The following PHYHIPL variants were observed in gnomAD, a reference collection of about 807,000 sequenced individuals.
PHYHIPL encodes phytanoyl-CoA 2-hydroxylase interacting protein like.
A neutral mutation model predicts 33.4 loss-of-function variants in PHYHIPL; 9 were observed. That is an observed-to-expected ratio of 0.27 (90% confidence interval 0.16 to 0.47). The LOEUF is 0.47. Ranked by LOEUF, PHYHIPL falls within the 20% of genes least tolerant of loss-of-function variation. PHYHIPL has a pLI of 0.99. For missense variants in PHYHIPL, 365 were observed against 460.7 expected, an observed-to-expected ratio of 0.79 and a Z score of 1.90; for synonymous variants, 153 against 154.1, an observed-to-expected ratio of 0.99 and a Z score of 0.05.
In PHYHIPL at chr10:59,245,828, CTT is replaced by C. The variant is rs993731988; in HGVS notation, c.*239_*240del. The C allele has an allele frequency of 2.3e-5, 11 of 474,604 alleles. No individual in the cohort carries two copies. Among genetic ancestry groups the C allele is most frequent in the African/African-American group, 2.0e-4 (10 of 51,060 alleles). 29.4% of individuals were successfully genotyped at this position (474,604 alleles called of 1,614,324 possible). ...CCTAAGTTAAGTTCTCCTTTTGACA[CTT>C]TATTGCCTAGATGCTGCAATGTTTT... On this transcript the variant is annotated 3_prime_UTR_variant, in exon 5 of 5. Transcript: ENST00000373880.
rs143669009 is a variant in PHYHIPL, at chr10:59,244,009, C to T, written c.597-1048C>T. The stretch of plus-strand genomic sequence containing the variant: ...GAAGAATGCAGCCCTGCCAGAACCA[C>T]AATGCCCTAAAGCGTGGAGGAAATA... On this transcript the variant is annotated intron_variant, in intron 4 of 4. Transcript: ENST00000373880. Among the ~76,000 whole-genome samples the T allele has an allele frequency of 2.0e-5, 3 of 152,292 alleles. No individual in the cohort carries two copies. The East Asian group carries it at 5.8e-4, about 29-fold the overall frequency.
upstream of PHYHIPL, among the ~76,000 whole-genome samples, chr10:59,173,938 T>TTTTTG: frequency 9.5e-5 from 10 of 105,666 alleles, no homozygotes; most frequent in African/African-American, 9.5e-5. Context: ...TTTTTTTTTT[T>TTTTTG]TTTTTTTTTT....
intron 1 of PHYHIPL, among the ~76,000 whole-genome samples, chr10:59,211,025 C>G (rs569926335): frequency 6.6e-6 from 1 of 151,836 alleles, no homozygotes; most frequent in African/African-American, 2.4e-5. Context: ...CAAACCTGCA[C>G]ATTCTGCACA....
chr10:59,202,031 G>C (rs894285770), intron 1 of PHYHIPL, among the ~76,000 whole-genome samples: 1 of 152,122 alleles, frequency 6.6e-6, no homozygotes, highest in African/African-American at 2.4e-5. Flanking sequence ...GGAGATAGTA[G>C]TAAACAGTGA....
At chr10:59,199,822 T>C (rs1387491889) in intron 1 of PHYHIPL, among the ~76,000 whole-genome samples, 3 of 152,210 alleles carry the variant, frequency 2.0e-5, no homozygotes, top group Non-Finnish European at 4.4e-5. Context: ...GAAGCAATTG[T>C]GAATGGAATT....
At position 59,208,729 on chromosome 10, in the gene PHYHIPL, G is replaced by A. The variant is rs188200450; in HGVS notation, c.107-25575G>A. On this transcript the variant is annotated intron_variant, in intron 1 of 4. Transcript: ENST00000373880. ...AGAATAACCAGTTTAGAGAAGAACA[G>A]AAATGACCTGATGGATCTGAAAAAC... is the stretch of plus-strand genomic sequence containing the variant. 4.5e-4 allele frequency among the ~76,000 whole-genome samples: 68 copies of A among 152,122 alleles called. No homozygotes were observed. The East Asian group carries it at 0.013, about 29-fold the overall frequency.
intron 1 of PHYHIPL, among the ~76,000 whole-genome samples, chr10:59,208,256 C>T (rs1324595372): frequency 2.6e-5 from 4 of 152,168 alleles, no homozygotes; most frequent in African/African-American, 9.7e-5. Context: ...GTTCTGCAGC[C>T]TCTGCTGGTA....
intron 1 of PHYHIPL, chr10:59,183,799 C>G (rs905896585): frequency 2.5e-5 from 10 of 400,300 alleles, no homozygotes; most frequent in African/African-American, 4.4e-5. Context: ...GCATATACAC[C>G]ATTTGTTGTA....
chr10:59,222,556 G>A (rs1839807551), intron 1 of PHYHIPL, among the ~76,000 whole-genome samples: 1 of 151,910 alleles, frequency 6.6e-6, no homozygotes, highest in Non-Finnish European at 1.5e-5. Flanking sequence ...AAAACAAAAA[G>A]GAGGAGAGCA....
At chr10:59,177,685 A>T in intron 1 of PHYHIPL, 1 of 1,514,796 alleles carries the variant, frequency 6.6e-7, no homozygotes, top group East Asian at 2.5e-5. Flanking sequence ...GCTCCTGTGG[A>T]AGGAAATTGA....
intron 1 of PHYHIPL, among the ~76,000 whole-genome samples, chr10:59,216,591 T>C (rs757882859): frequency 3.3e-5 from 5 of 152,108 alleles, no homozygotes; most frequent in Non-Finnish European, 7.4e-5. Flanking sequence ...TTAGGTAGCA[T>C]GTTCTAAACC....
intron 2 of PHYHIPL, 138 bp from the exon 3 acceptor site, chr10:59,236,345 C>G: frequency 1.2e-5 from 5 of 427,042 alleles, no homozygotes; most frequent in East Asian, 3.9e-5. Flanking sequence ...CTCCTTCCTT[C>G]CCTCCCTCCT....
At position 59,245,254 on chromosome 10, in the gene PHYHIPL, A is replaced by G. The variant is rs189850687; in HGVS notation, c.794A>G (p.Asn265Ser). The G allele has an allele frequency of 1.9e-5, 30 of 1,614,038 alleles. 1 individual carries two copies. The highest frequency in any genetic ancestry group is 1.3e-5 in the African/African-American group (1 of 75,002). The change falls in exon 5 of 5, where the codon AAC (asparagine) becomes AGC (serine). Residue 265 changes from asparagine to serine, a missense_variant. Coordinates refer to ENST00000373880, the MANE Select transcript of PHYHIPL (RefSeq NM_032439.4). ...AAEKLFNPNT[N>S]LYFGDFYCMY... is the part of the protein sequence containing the mutation. ...GAAAAACTTTTTAACCCCAATACTA[A>G]CTTATACTTTGGGGACTTCTACTGT...
At chr10:59,181,980 A>G (rs1765786484) in intron 1 of PHYHIPL, among the ~76,000 whole-genome samples, 1 of 152,182 alleles carries the variant, frequency 6.6e-6, no homozygotes, top group African/African-American at 2.4e-5. Flanking sequence ...ACAACATTCA[A>G]ATTACTTGGT....
intron 1 of PHYHIPL, among the ~76,000 whole-genome samples, chr10:59,225,093 T>C (rs1839889211): frequency 7.4e-6 from 1 of 134,556 alleles, no homozygotes; most frequent in African/African-American, 2.6e-5. Context: ...ATGGTACTTT[T>C]GGGCATGAGC....
intron 1 of PHYHIPL, among the ~76,000 whole-genome samples, chr10:59,196,208 C>A (rs1453779908): frequency 6.6e-6 from 1 of 151,756 alleles, no homozygotes; most frequent in Non-Finnish European, 1.5e-5. Context: ...AATGTTAAAC[C>A]AAGTTTATCA....
chr10:59,245,668 C>G lies in PHYHIPL; in HGVS notation c.*77C>G. 6.9e-7 allele frequency: 1 copy of G among 1,439,706 alleles called. No homozygotes were observed. Among genetic ancestry groups the G allele is most frequent in the Non-Finnish European group, 9.3e-7 (1 of 1,073,366 alleles). The allele number at this position is 1,439,706 out of a possible 1,614,324, so 89.2% of individuals were successfully genotyped here. A position where few individuals can be genotyped will look rare whatever the true frequency, so the allele number is the denominator to read the frequency against. ...GGTCCTCTGTTGTCCATTTTTATCA[C>G]CAGATGTTTTCCACTGAAGCATGCA... On this transcript the variant is annotated 3_prime_UTR_variant, in exon 5 of 5. Coordinates refer to ENST00000373880, the MANE Select transcript of PHYHIPL (RefSeq NM_032439.4).
At chr10:59,192,195 A>G (rs910161069) in intron 1 of PHYHIPL, among the ~76,000 whole-genome samples, 7 of 152,180 alleles carry the variant, frequency 4.6e-5, no homozygotes, top group African/African-American at 1.7e-4. Context: ...GGACAATTTA[A>G]TATTTGCTAT....
chr10:59,209,950 A>G (rs1839397961), intron 1 of PHYHIPL, among the ~76,000 whole-genome samples: 1 of 152,228 alleles, frequency 6.6e-6, no homozygotes, highest in African/African-American at 2.4e-5. Flanking sequence ...AAAGACTTAA[A>G]TGTAAGACCT....
Sources: gnomAD v4.1 joint callset for allele counts (sites outside exome capture counted in the v4.1 genomes callset) on GRCh38, gnomAD v4.1.1 for gene constraint, MANE v1.5 for transcripts, NCBI Gene and HGNC (gene_info 2026-07-23, HGNC 2026-07-21) for gene names.